Variants in DOCK10 observed in about 807,000 individuals in gnomAD.
DOCK10 encodes the protein dedicator of cytokinesis 10, also known as dedicator of cytokinesis protein 10.
A neutral mutation model predicts 280.1 loss-of-function variants in DOCK10; 145 were observed. The ratio of observed to expected loss-of-function variants is 0.52; its 90% confidence interval spans 0.45 to 0.59. The LOEUF (loss-of-function observed/expected upper bound fraction) is 0.59. Ranked by LOEUF, DOCK10 falls within the 20% of genes least tolerant of loss-of-function variation. The probability of loss-of-function intolerance (pLI) is 0.00; values close to 1 mark genes in which losing one functional copy is unlikely to be tolerated. For synonymous variants in DOCK10, 915 were observed against 942.2 expected (o/e 0.97, Z 0.53); for missense variants, 2,368 against 2,651.7 (o/e 0.89, Z 2.35).
Position 224,793,415 on chromosome 2 carries a change from A to G in DOCK10, c.5197T>C (p.Tyr1733His), listed in dbSNP as rs758194821. The G allele has an allele frequency of 1.2e-6, 2 of 1,613,424 alleles. No homozygotes were observed. Among genetic ancestry groups the G allele is most frequent in the South Asian group, 2.2e-5 (2 of 90,982 alleles). ...GTCATCTTACCCTTTCTTTTCAGATACTCTGCAATGAGAGCAGCAATATGG... is the reference window on the plus strand; with the variant it reads ...GTCATCTTACCCTTTCTTTTCAGATGCTCTGCAATGAGAGCAGCAATATGG... Reference protein sequence around the residue: ...YIHIAALIAEYLKRKGYWKVE... With the variant: ...YIHIAALIAEHLKRKGYWKVE... The change falls in exon 46 of 56, where the codon TAT becomes CAT. Residue 1733 changes from tyrosine (Y) to histidine (H), a missense_variant. By Grantham distance (83) the Tyr-to-His change is moderately conservative. Transcript: ENST00000258390.
chr2:224,877,942 A>G (rs565865102), intron 7 of DOCK10, among the ~76,000 whole-genome samples: 2 of 152,316 alleles, frequency 1.3e-5, no homozygotes, highest in African/African-American at 4.8e-5. Context: ...AATATGTTCT[A>G]AAACCTGTAG....
At chr2:224,978,964 CT>C (rs1161438821) in intron 1 of DOCK10, among the ~76,000 whole-genome samples, 1 of 152,122 alleles carries the variant, frequency 6.6e-6, no homozygotes. Context: ...CTTTCCCACA[CT>C]TTATATTCAA....
intron 18 of DOCK10, among the ~76,000 whole-genome samples, chr2:224,850,888 G>C (rs980792213): frequency 6.6e-6 from 1 of 152,172 alleles, no homozygotes; most frequent in African/African-American, 2.4e-5. Context: ...CAGAAACTGT[G>C]AGTCTATTAA....
intron 1 of DOCK10, among the ~76,000 whole-genome samples, chr2:225,005,898 A>G (rs1316920369): frequency 1.3e-5 from 2 of 152,222 alleles, no homozygotes; most frequent in Non-Finnish European, 2.9e-5. Flanking sequence ...AAAATAATTT[A>G]GAGATTATCC....
At chr2:224,788,112 C>T (rs544643911) in intron 48 of DOCK10, among the ~76,000 whole-genome samples, 1 of 152,228 alleles carries the variant, frequency 6.6e-6, no homozygotes, top group South Asian at 2.1e-4. Flanking sequence ...AGTTCCCCTT[C>T]TGATTGCAAC....
intron 1 of DOCK10, among the ~76,000 whole-genome samples, chr2:225,018,027 G>A (rs764318917): frequency 1.4e-4 from 22 of 152,102 alleles, no homozygotes; most frequent in South Asian, 1.2e-3. Context: ...ATGGCAGAAC[G>A]GCCCCCTAGG....
chr2:224,971,109 T>C (rs973964972), intron 1 of DOCK10, among the ~76,000 whole-genome samples: 1 of 152,242 alleles, frequency 6.6e-6, no homozygotes, highest in African/African-American at 2.4e-5. Flanking sequence ...AGCTGGATTC[T>C]ATAATATCAA....
chr2:224,826,739 TTATCTATCTATC>T (rs3083079), intron 27 of DOCK10, among the ~76,000 whole-genome samples: 6,341 of 145,238 alleles, frequency 0.044, 149 homozygotes, highest in Middle Eastern at 0.053. Context: ...ATATATATAA[TTATCTATCTATC>T]TATCTATCTA....
intron 1 of DOCK10, among the ~76,000 whole-genome samples, chr2:225,037,099 C>T (rs1374308467): frequency 6.6e-6 from 1 of 152,148 alleles, no homozygotes; most frequent in Non-Finnish European, 1.5e-5. Flanking sequence ...ATTTCAGGCA[C>T]ATGTGAGAGT....
chr2:224,931,756 T>C (rs540176162), intron 1 of DOCK10, 88 bp from the exon 2 acceptor site: 93 of 1,428,912 alleles, frequency 6.5e-5, no homozygotes, highest in Non-Finnish European at 7.6e-5. Context: ...TTAGTTATCA[T>C]TGAGGCTTTA....
At chr2:224,905,966 T>G (rs191670115) in intron 3 of DOCK10, among the ~76,000 whole-genome samples, 48 of 152,234 alleles carry the variant, frequency 3.2e-4, no homozygotes, top group African/African-American at 1.1e-3. Flanking sequence ...GCCCACACTT[T>G]CCTGTGCTCC....
At chr2:225,014,544 A>G (rs1689539417) in intron 1 of DOCK10, among the ~76,000 whole-genome samples, 1 of 152,128 alleles carries the variant, frequency 6.6e-6, no homozygotes, top group Non-Finnish European at 1.5e-5. Flanking sequence ...CTAAAATTTT[A>G]GTTTGAAATG....
intron 14 of DOCK10, among the ~76,000 whole-genome samples, chr2:224,858,734 C>T (rs896090341): frequency 1.3e-4 from 20 of 152,256 alleles, no homozygotes; most frequent in African/African-American, 4.8e-4. Context: ...ATGGCTGGAA[C>T]GCTGTGCCTA....
At chr2:224,778,486 A>G (rs1691038287) in intron 50 of DOCK10, 2 of 627,492 alleles carry the variant, frequency 3.2e-6, no homozygotes, top group East Asian at 6.0e-5. Context: ...ACATTAATGT[A>G]AATATTTCCT....
intron 1 of DOCK10, among the ~76,000 whole-genome samples, chr2:224,941,197 CT>C (rs545063311): frequency 3.4e-3 from 473 of 140,626 alleles, no homozygotes; most frequent in Middle Eastern, 0.011. Context: ...CATTACTGCT[CT>C]TTTTTTTTTT....
intron 18 of DOCK10, among the ~76,000 whole-genome samples, chr2:224,851,256 C>T (rs150933110): frequency 5.3e-5 from 8 of 152,222 alleles, no homozygotes; most frequent in South Asian, 2.1e-4. Flanking sequence ...AAGCAAGGGA[C>T]GCACATGTGA....
chr2:224,989,781 T>C (rs1414843475), intron 1 of DOCK10, among the ~76,000 whole-genome samples: 1 of 152,148 alleles, frequency 6.6e-6, no homozygotes. Flanking sequence ...CCCAGTTAGT[T>C]ACCCTTTATC....
At chr2:224,829,583 A>T (rs1203691082) in intron 27 of DOCK10, among the ~76,000 whole-genome samples, 1 of 151,990 alleles carries the variant, frequency 6.6e-6, no homozygotes, top group Non-Finnish European at 1.5e-5. Context: ...TGTGTGTGGA[A>T]CTCAGGTGAT....
chr2:225,035,157 G>C (rs181137921), intron 1 of DOCK10, among the ~76,000 whole-genome samples: 76 of 152,224 alleles, frequency 5.0e-4, no homozygotes, highest in Non-Finnish European at 9.6e-4. Flanking sequence ...CACAGGCTCT[G>C]ACATTTCCAA....
Sources: gnomAD v4.1 joint callset for allele counts (sites outside exome capture counted in the v4.1 genomes callset) on GRCh38, gnomAD v4.1.1 for gene constraint, MANE v1.5 for transcripts, NCBI Gene and HGNC (gene_info 2026-07-23, HGNC 2026-07-21) for gene names.